NKAIN2: variants seen among roughly 807,000 people sequenced by gnomAD.
The protein encoded by NKAIN2 is sodium/potassium-transporting ATPase subunit beta-1-interacting protein 2.
Under a neutral mutation model 32.6 loss-of-function variants are expected in NKAIN2, and 14 were observed. The ratio of observed to expected loss-of-function variants is 0.43; its 90% CI spans 0.28 to 0.67. The LOEUF (loss-of-function observed/expected upper bound fraction) is 0.67, where lower values mean the gene tolerates loss of function less well. NKAIN2 is among the 30% of genes least tolerant of loss of function. NKAIN2 has a pLI of 0.17. For synonymous variants in NKAIN2, 80 were observed against 87.2 expected, an observed-to-expected ratio of 0.92 and a Z score of 0.46; for missense variants, 198 against 258.3, an observed-to-expected ratio of 0.77 and a Z score of 1.60.
intron 1 of NKAIN2, among the ~76,000 whole-genome samples, chr6:124,084,465 G>T (rs1439710647): frequency 6.6e-6 from 1 of 151,900 alleles, no homozygotes; most frequent in Non-Finnish European, 1.5e-5. Context: ...AGTACACCTT[G>T]TATGTTCATG....
intron 4 of NKAIN2, among the ~76,000 whole-genome samples, chr6:124,733,870 T>C (rs1776806167): frequency 6.6e-6 from 1 of 151,794 alleles, no homozygotes; most frequent in African/African-American, 2.4e-5. Context: ...CATATTTTCT[T>C]GCACTGTCAG....
intron 1 of NKAIN2, among the ~76,000 whole-genome samples, chr6:123,851,313 A>G (rs1775338150): frequency 7.9e-6 from 1 of 126,620 alleles, no homozygotes; most frequent in Admixed American, 9.7e-5. Context: ...GCAATGGTGC[A>G]ATCTCGGCTC....
intron 1 of NKAIN2, among the ~76,000 whole-genome samples, chr6:123,979,972 TTGATTATGATATTAGA>T (rs1028656591): frequency 1.3e-5 from 2 of 152,268 alleles, no homozygotes; most frequent in Admixed American, 1.3e-4. Context: ...ATGATACAGG[TTGATTATGATATTAGA>T]TGATTATGAT....
At chr6:123,818,138 G>A (rs1773773381) in intron 1 of NKAIN2, among the ~76,000 whole-genome samples, 1 of 152,058 alleles carries the variant, frequency 6.6e-6, no homozygotes, top group Non-Finnish European at 1.5e-5. Flanking sequence ...TTCATGAAAT[G>A]TCTTAAAAAG....
intron 3 of NKAIN2, among the ~76,000 whole-genome samples, chr6:124,441,740 C>T (rs570058976): frequency 1.3e-5 from 2 of 152,148 alleles, no homozygotes; most frequent in Non-Finnish European, 2.9e-5. Context: ...CAAGTGTTGT[C>T]ATTTTAAGCC....
intron 3 of NKAIN2, among the ~76,000 whole-genome samples, chr6:124,407,608 G>T (rs565968313): frequency 5.8e-4 from 88 of 152,086 alleles, no homozygotes; most frequent in African/African-American, 2.1e-3. Flanking sequence ...TTGGACATTT[G>T]GGTTGGTTCC....
intron 5 of NKAIN2, 141 bp downstream of exon 5, chr6:124,791,540 T>C: frequency 2.0e-6 from 1 of 500,436 alleles, no homozygotes; most frequent in Non-Finnish European, 3.6e-6. Flanking sequence ...CCCATCAGAC[T>C]AAAGTGTTTC....
chr6:124,282,698 T>A lies in NKAIN2; in HGVS notation c.55-307T>A, dbSNP rs190988186. Among the ~76,000 whole-genome samples the A allele has an allele frequency of 2.4e-4, 37 of 152,322 alleles. 2 individuals are homozygous for A. In the Middle Eastern group the frequency reaches 0.01, roughly 42 times the overall value. On this transcript the variant is annotated intron_variant, in intron 1 of 6. Transcript: ENST00000368417. Reference sequence around the variant, plus strand: ...TGACTTGCTGGTTGATGACTTCAAATGTTTGACAGTGCACATGACAATATA... The same window carrying A: ...TGACTTGCTGGTTGATGACTTCAAAAGTTTGACAGTGCACATGACAATATA...
intron 1 of NKAIN2, among the ~76,000 whole-genome samples, chr6:123,989,513 A>G (rs904277032): frequency 5.9e-5 from 9 of 152,230 alleles, no homozygotes; most frequent in African/African-American, 2.2e-4. Context: ...TTTAACAGCA[A>G]GTATTAGTCA....
chr6:123,860,040 G>A (rs935494384), intron 1 of NKAIN2, among the ~76,000 whole-genome samples: 1 of 152,140 alleles, frequency 6.6e-6, no homozygotes, highest in African/African-American at 2.4e-5. Context: ...TCCCCTTTTA[G>A]TTAGTTAGCA....
intron 1 of NKAIN2, among the ~76,000 whole-genome samples, chr6:123,903,856 G>A (rs1332351766): frequency 1.3e-5 from 2 of 151,912 alleles, no homozygotes; most frequent in Admixed American, 1.3e-4. Flanking sequence ...TTGAAAATTG[G>A]CAGCTGTTGT....
intron 2 of NKAIN2, among the ~76,000 whole-genome samples, chr6:124,352,105 A>C (rs1406867198): frequency 6.6e-6 from 1 of 152,208 alleles, no homozygotes; most frequent in Non-Finnish European, 1.5e-5. Context: ...ACTTAATTGT[A>C]ATGGGTCATA....
intron 3 of NKAIN2, among the ~76,000 whole-genome samples, chr6:124,580,616 C>T (rs530887095): frequency 6.6e-6 from 1 of 151,922 alleles, no homozygotes; most frequent in African/African-American, 2.4e-5. Flanking sequence ...ACAAACCAAC[C>T]AGAAAACAAA....
chr6:124,705,788 G>C (rs1333724427), intron 4 of NKAIN2, among the ~76,000 whole-genome samples: 3 of 151,964 alleles, frequency 2.0e-5, no homozygotes, highest in Admixed American at 6.6e-5. Context: ...AGTCACTAAG[G>C]CTCAAAATAG....
chr6:124,367,983 T>A (rs1799597627), intron 3 of NKAIN2, among the ~76,000 whole-genome samples: 1 of 152,112 alleles, frequency 6.6e-6, no homozygotes, highest in African/African-American at 2.4e-5. Context: ...TAATGCTGGG[T>A]AGGTTATACC....
At position 123,838,849 on chromosome 6, in the gene NKAIN2, G is replaced by A. The variant is rs566224813; in HGVS notation, c.54+34595G>A. Among the ~76,000 whole-genome samples the A allele has an allele frequency of 1.8e-4, 28 of 152,254 alleles. No individual in the cohort carries two copies. In the South Asian group the frequency reaches 4.6e-3, roughly 25 times the overall value. On this transcript the variant is annotated intron_variant, in intron 1 of 6. Transcript: ENST00000368417. ...ATTTCACCCTGTATGCTAGAAAAAG[G>A]CAATTTACCTCCTAAGGTTAGATTA...
intron 1 of NKAIN2, among the ~76,000 whole-genome samples, chr6:124,028,727 G>A (rs1461373469): frequency 3.4e-5 from 5 of 148,056 alleles, no homozygotes; most frequent in South Asian, 2.1e-4. Flanking sequence ...GTGTATATAC[G>A]TGTATACACG....
chr6:124,263,740 A>G (rs1194222742), intron 1 of NKAIN2, among the ~76,000 whole-genome samples: 2 of 148,340 alleles, frequency 1.3e-5, no homozygotes, highest in Non-Finnish European at 3.0e-5. Flanking sequence ...GCACGTGACA[A>G]CACCATCTGC....
chr6:124,601,063 A>T (rs2114980457), intron 3 of NKAIN2, among the ~76,000 whole-genome samples: 1 of 152,148 alleles, frequency 6.6e-6, no homozygotes, highest in African/African-American at 2.4e-5. Context: ...TAGAGATAGG[A>T]AGGATAATAT....
Sources: allele counts gnomAD v4.1 joint callset (sites outside exome capture counted in the v4.1 genomes callset), GRCh38; gene constraint gnomAD v4.1.1; transcripts MANE v1.5; gene names NCBI Gene and HGNC (gene_info 2026-07-23, HGNC 2026-07-21).